The following SORCS1 variants were observed in gnomAD, a reference collection of about 807,000 sequenced individuals.
SORCS1 encodes sortilin related VPS10 domain containing receptor 1.
Under a neutral mutation model 146.1 loss-of-function variants are expected in SORCS1, and 60 were observed. That is an observed-to-expected ratio of 0.41 (90% CI 0.33 to 0.51). The LOEUF is 0.51. Ranked by LOEUF, SORCS1 falls within the 20% of genes least tolerant of loss-of-function variation. The pLI is 0.21. For missense variants in SORCS1, 1,352 were observed against 1,487.6 expected, an observed-to-expected ratio of 0.91 and a Z score of 1.50; for synonymous variants, 637 against 584.0, an observed-to-expected ratio of 1.09 and a Z score of -1.31.
intron 5 of SORCS1, among the ~76,000 whole-genome samples, chr10:106,757,139 A>G (rs1589814030): frequency 6.6e-6 from 1 of 152,336 alleles, no homozygotes; most frequent in East Asian, 1.9e-4. Flanking sequence ...AAGCTGTTGC[A>G]TGCCATAATT....
intron 1 of SORCS1, among the ~76,000 whole-genome samples, chr10:107,125,285 C>A (rs138641252): frequency 7.0e-4 from 106 of 152,172 alleles, no homozygotes; most frequent in African/African-American, 2.4e-3. Flanking sequence ...TGCCCATTTT[C>A]TTTATTTCAG....
chr10:106,679,705 C>A lies in SORCS1; in HGVS notation c.1590G>T (p.Lys530Asn). ...CTGATGTGTAGGGATTCTCAGAGAC[C>A]TTCAGGTGAAGGTGTAGTGAGCAAT... is the stretch of plus-strand genomic sequence containing the variant. Reference protein sequence around the residue: ...LPYCSLHLHLKVSENPYTSGI... With the variant: ...LPYCSLHLHLNVSENPYTSGI... The change falls in exon 11 of 26, where the codon AAG (lysine) becomes AAT (asparagine). Residue 530 changes from lysine to asparagine, a missense_variant. Lys to Asn is a moderately conservative substitution (Grantham distance 94). Coordinates refer to ENST00000263054, the MANE Select transcript of SORCS1 (RefSeq NM_052918.5). 6.2e-7 allele frequency: 1 copy of A among 1,611,914 alleles called. No homozygotes were observed. The highest frequency in any genetic ancestry group is 8.5e-7 in the Non-Finnish European group (1 of 1,178,928).
intron 1 of SORCS1, among the ~76,000 whole-genome samples, chr10:106,989,596 T>G (rs1486488498): frequency 2.6e-5 from 4 of 151,810 alleles, no homozygotes; most frequent in Non-Finnish European, 5.9e-5. Context: ...ACAGGCACTG[T>G]GTCCCTTCAT....
At chr10:106,722,594 G>T (rs1342647734) in intron 6 of SORCS1, among the ~76,000 whole-genome samples, 2 of 152,182 alleles carry the variant, frequency 1.3e-5, no homozygotes, top group Non-Finnish European at 2.9e-5. Flanking sequence ...AATGAGATTA[G>T]TCCTTGGGAA....
intron 2 of SORCS1, among the ~76,000 whole-genome samples, chr10:106,894,512 T>C (rs1951387675): frequency 6.6e-6 from 1 of 152,024 alleles, no homozygotes; most frequent in Admixed American, 6.6e-5. Context: ...AAGAAGTAGA[T>C]ATACAAAAAT....
chr10:106,981,852 C>T (rs539475697), intron 1 of SORCS1, among the ~76,000 whole-genome samples: 7 of 152,200 alleles, frequency 4.6e-5, no homozygotes, highest in East Asian at 1.9e-4. Context: ...CCCAACTACT[C>T]GATGCTCCTG....
At chr10:106,881,614 C>A (rs189891207) in intron 2 of SORCS1, among the ~76,000 whole-genome samples, 1 of 152,238 alleles carries the variant, frequency 6.6e-6, no homozygotes, top group Non-Finnish European at 1.5e-5. Context: ...AAACTGGAAC[C>A]TATTATCTAT....
At chr10:107,056,484 G>A (rs1273271065) in intron 1 of SORCS1, among the ~76,000 whole-genome samples, 1 of 152,206 alleles carries the variant, frequency 6.6e-6, no homozygotes, top group Admixed American at 6.5e-5. Context: ...CAATTTCTGA[G>A]AAAGAGAATG....
At chr10:106,942,599 C>T (rs1262442463) in intron 2 of SORCS1, among the ~76,000 whole-genome samples, 1 of 152,190 alleles carries the variant, frequency 6.6e-6, no homozygotes, top group Non-Finnish European at 1.5e-5. Flanking sequence ...ACTCAACATA[C>T]AACCAAATGG....
At chr10:107,141,286 C>A (rs1014675925) in intron 1 of SORCS1, among the ~76,000 whole-genome samples, 5 of 152,134 alleles carry the variant, frequency 3.3e-5, no homozygotes, top group African/African-American at 1.2e-4. Flanking sequence ...GAGAGGAACT[C>A]AATGGAGGGG....
At position 106,786,836 on chromosome 10, in the gene SORCS1, C is replaced by A. The variant is rs114950739; in HGVS notation, c.727-10144G>T. Among the ~76,000 whole-genome samples the A allele has an allele frequency of 3.5e-3, 538 of 152,088 alleles. 4 individuals are homozygous for A. The highest frequency in any genetic ancestry group is 0.012 in the African/African-American group (518 of 41,496). On this transcript the variant is annotated intron_variant, in intron 3 of 25. Coordinates refer to ENST00000263054, the MANE Select transcript of SORCS1 (RefSeq NM_052918.5). Reference sequence around the variant, plus strand: ...AAATGTCCTCATAATCATAGAATTCCTGGGATATAGATATCTTGAAGTTGC... The same window carrying A: ...AAATGTCCTCATAATCATAGAATTCATGGGATATAGATATCTTGAAGTTGC...
intron 3 of SORCS1, among the ~76,000 whole-genome samples, chr10:106,813,361 T>C (rs769689657): frequency 6.6e-6 from 1 of 151,976 alleles, no homozygotes; most frequent in Non-Finnish European, 1.5e-5. Context: ...CTCAAACTTC[T>C]GACTTCGTGA....
In SORCS1 at chr10:106,804,338, GAAAATAAAATAAAAT is replaced by G. The variant is rs374338257; in HGVS notation, c.726+25221_726+25235del. Reference sequence around the variant, plus strand: ...CAGAGTGAAACTCTGTTTCCGAAGAGAAAATAAAATAAAATAAAATAAAATAAAATAAAATAAAAT... The same window carrying G: ...CAGAGTGAAACTCTGTTTCCGAAGAGAAAATAAAATAAAATAAAATAAAAT... On this transcript the variant is annotated intron_variant, in intron 3 of 25. Coordinates refer to ENST00000263054, the MANE Select transcript of SORCS1 (RefSeq NM_052918.5). Among the ~76,000 whole-genome samples the G allele has an allele frequency of 2.6e-3, 363 of 138,348 alleles. 2 individuals carry two copies. The highest frequency in any genetic ancestry group is 7.5e-3 in the African/African-American group (277 of 36,706). The allele number at this position is 138,348 out of a possible 152,430, so 90.8% of individuals were successfully genotyped here.
At chr10:107,090,419 G>C (rs189641599) in intron 1 of SORCS1, among the ~76,000 whole-genome samples, 70 of 152,278 alleles carry the variant, frequency 4.6e-4, no homozygotes, top group African/African-American at 1.7e-3. Flanking sequence ...GCACAGAGGA[G>C]TTTGGACTTG....
At chr10:107,153,794 TAACTC>T (rs1215807542) in intron 1 of SORCS1, among the ~76,000 whole-genome samples, 12 of 152,278 alleles carry the variant, frequency 7.9e-5, no homozygotes, top group African/African-American at 2.9e-4. Flanking sequence ...CTTTTAAAAA[TAACTC>T]AAGCAATACA....
At chr10:107,115,129 C>T (rs746323720) in intron 1 of SORCS1, among the ~76,000 whole-genome samples, 120 of 151,892 alleles carry the variant, frequency 7.9e-4, no homozygotes, top group African/African-American at 2.5e-3. Flanking sequence ...AAACATATCC[C>T]GTGTTTATGG....
At chr10:107,044,439 C>G (rs977806534) in intron 1 of SORCS1, among the ~76,000 whole-genome samples, 11 of 133,552 alleles carry the variant, frequency 8.2e-5, no homozygotes, top group African/African-American at 1.7e-4. Context: ...AAAAAACAAG[C>G]AATGTAATTT....
At chr10:106,664,250 T>A (rs1314174499) in intron 17 of SORCS1, among the ~76,000 whole-genome samples, 1 of 152,254 alleles carries the variant, frequency 6.6e-6, no homozygotes, top group Non-Finnish European at 1.5e-5. Context: ...TTAATTGACA[T>A]TATGATTTTA....
intron 3 of SORCS1, among the ~76,000 whole-genome samples, chr10:106,779,711 C>T (rs1260907123): frequency 6.6e-6 from 1 of 152,066 alleles, no homozygotes; most frequent in African/African-American, 2.4e-5. Flanking sequence ...TGGTCTCGAA[C>T]CCCTGACCTC....
Sources: gnomAD v4.1 joint callset for allele counts (sites outside exome capture counted in the v4.1 genomes callset) on GRCh38, gnomAD v4.1.1 for gene constraint, MANE v1.5 for transcripts, NCBI Gene and HGNC (gene_info 2026-07-23, HGNC 2026-07-21) for gene names.